NTRK2: variants seen among roughly 807,000 people sequenced by gnomAD.
The protein encoded by NTRK2 is BDNF/NT-3 growth factors receptor.
Under a neutral mutation model 94.5 loss-of-function variants are expected in NTRK2, and 13 were observed. That is an observed-to-expected ratio of 0.14 (90% CI 0.09 to 0.22). The LOEUF is 0.22. Ranked by LOEUF, NTRK2 falls within the 10% of genes least tolerant of loss-of-function variation. The probability of loss-of-function intolerance (pLI) is 1.00; values close to 1 mark genes in which losing one functional copy is unlikely to be tolerated. For synonymous variants in NTRK2, 372 were observed against 407.4 expected, an observed-to-expected ratio of 0.91 and a Z score of 1.05; for missense variants, 639 against 1,071.2, an observed-to-expected ratio of 0.60 and a Z score of 5.63.
intron 12 of NTRK2, among the ~76,000 whole-genome samples, chr9:84,849,645 A>G (rs1485035623): frequency 6.6e-6 from 1 of 152,184 alleles, no homozygotes; most frequent in Non-Finnish European, 1.5e-5. Context: ...GCTTTTAAAG[A>G]ACTTACAGTT....
rs1461023020 is a variant in NTRK2 at position 85,023,798 on chromosome 9, A to G, written c.*2361A>G. 2 of 230,366 alleles carry G rather than the reference A, an allele frequency of 8.7e-6. No homozygotes were observed. Among genetic ancestry groups the G allele is most frequent in the Admixed American group, 1.1e-4 (2 of 17,694 alleles). 14.3% of individuals were successfully genotyped at this position (230,366 alleles called of 1,614,324 possible). ...CTAGATTCCATCAGCAAAAACCAAC[A>G]CAGGTTTGTCACGCTGCATGTCTGG... is the stretch of plus-strand genomic sequence containing the variant. On this transcript the variant is annotated 3_prime_UTR_variant, in exon 19 of 19. Coordinates refer to ENST00000277120, the MANE Select transcript of NTRK2 (RefSeq NM_006180.6).
At position 84,995,363 on chromosome 9, in the gene NTRK2, GT is replaced by G. The variant is rs1240062742; in HGVS notation, c.2173-24836del. Among the ~76,000 whole-genome samples the G allele has an allele frequency of 3.9e-5, 6 of 152,146 alleles. No individual in the cohort carries two copies. The East Asian group carries it at 1.2e-3, about 29-fold the overall frequency. The stretch of plus-strand genomic sequence containing the variant: ...AAAACACTTTTTATCCCTTGGTGGG[GT>G]TTTTTTGGTTTGTTTTTTGTTTGTT... On this transcript the variant is annotated intron_variant, in intron 17 of 18. Coordinates refer to ENST00000277120, the MANE Select transcript of NTRK2 (RefSeq NM_006180.6).
intron 12 of NTRK2, among the ~76,000 whole-genome samples, chr9:84,762,010 C>T (rs192582477): frequency 6.6e-6 from 1 of 152,204 alleles, no homozygotes; most frequent in East Asian, 1.9e-4. Context: ...GAATAAGTCT[C>T]ACACGATCTG....
chr9:84,937,343 G>A (rs1022611001), intron 15 of NTRK2, among the ~76,000 whole-genome samples: 1 of 152,174 alleles, frequency 6.6e-6, no homozygotes, highest in African/African-American at 2.4e-5. Context: ...CTAAGAAATA[G>A]CAGCTATTGT....
chr9:84,680,939 T>C lies in NTRK2; in HGVS notation c.212+9979T>C, dbSNP rs2059352726. ...CTTTGGCCTTGGTGTCACCACACTT[T>C]TCTTGTTTTCCCTCTATCTCTCTGC... is the stretch of plus-strand genomic sequence containing the variant. On this transcript the variant is annotated intron_variant, in intron 2 of 18. Transcript: ENST00000277120. 2.0e-5 allele frequency among the ~76,000 whole-genome samples: 3 copies of C among 152,192 alleles called. 1 individual carries two copies. Among genetic ancestry groups the C allele is most frequent in the Admixed American group, 6.5e-5 (1 of 15,276 alleles).
At chr9:84,952,343 A>G (rs1162137254) in intron 16 of NTRK2, among the ~76,000 whole-genome samples, 1 of 152,248 alleles carries the variant, frequency 6.6e-6, no homozygotes, top group Non-Finnish European at 1.5e-5. Flanking sequence ...CAGTTGGTGC[A>G]GTGCCGGCTG....
At chr9:84,796,772 G>A (rs2069376891) in intron 12 of NTRK2, among the ~76,000 whole-genome samples, 1 of 152,134 alleles carries the variant, frequency 6.6e-6, no homozygotes, top group Non-Finnish European at 1.5e-5. Context: ...AAGATGGGTG[G>A]TAGGAATCAT....
chr9:84,757,782 T>C (rs1297478239), intron 12 of NTRK2, among the ~76,000 whole-genome samples: 1 of 152,206 alleles, frequency 6.6e-6, no homozygotes, highest in African/African-American at 2.4e-5. Context: ...TTAATGGACA[T>C]TTATGTTTTT....
intron 17 of NTRK2, among the ~76,000 whole-genome samples, chr9:85,018,769 C>T (rs755132524): frequency 8.5e-5 from 13 of 152,174 alleles, no homozygotes; most frequent in Non-Finnish European, 1.6e-4. Context: ...TTGCCACCAC[C>T]TTCAGACATC....
intron 2 of NTRK2, among the ~76,000 whole-genome samples, chr9:84,698,828 T>G (rs2060546989): frequency 6.6e-6 from 1 of 152,230 alleles, no homozygotes; most frequent in Admixed American, 6.5e-5. Context: ...ACCGAAGTTT[T>G]CCCTCTGTGA....
At chr9:84,968,561 A>T (rs906729182) in intron 17 of NTRK2, among the ~76,000 whole-genome samples, 10 of 152,196 alleles carry the variant, frequency 6.6e-5, no homozygotes, top group Non-Finnish European at 1.2e-4. Context: ...GCTTTGGGTC[A>T]TTCCTGAACC....
chr9:85,014,855 C>T (rs1347342078), intron 17 of NTRK2, among the ~76,000 whole-genome samples: 8 of 152,134 alleles, frequency 5.3e-5, no homozygotes, highest in Admixed American at 5.2e-4. Flanking sequence ...ATATCACTAT[C>T]AAAATTACGA....
chr9:84,834,098 A>G (rs1311301529), intron 12 of NTRK2, among the ~76,000 whole-genome samples: 4 of 152,172 alleles, frequency 2.6e-5, no homozygotes, highest in Non-Finnish European at 5.9e-5. Context: ...AGAGGTGGGC[A>G]TTTTCATACA....
intron 12 of NTRK2, chr9:84,810,897 T>C: frequency 8.2e-7 from 1 of 1,226,732 alleles, no homozygotes; most frequent in South Asian, 3.1e-5. Context: ...TGGATTGTAC[T>C]TCTCTTCTGA....
At chr9:84,844,649 TCACACACA>T (rs10562034) in intron 12 of NTRK2, among the ~76,000 whole-genome samples, 20,448 of 140,840 alleles carry the variant, frequency 0.15, 1,475 homozygotes, top group Admixed American at 0.17. Flanking sequence ...AATACCTCAC[TCACACACA>T]CACACACACA....
chr9:84,832,303 A>C (rs568523918), intron 12 of NTRK2, among the ~76,000 whole-genome samples: 1 of 152,374 alleles, frequency 6.6e-6, no homozygotes, highest in African/African-American at 2.4e-5. Flanking sequence ...GATATGAGAC[A>C]TACCTTCAAA....
chr9:84,783,974 A>T (rs1348824131), intron 12 of NTRK2, among the ~76,000 whole-genome samples: 2 of 152,116 alleles, frequency 1.3e-5, no homozygotes, highest in African/African-American at 4.8e-5. Flanking sequence ...GTGTGATGGG[A>T]GGTGGGACTG....
intron 14 of NTRK2, among the ~76,000 whole-genome samples, chr9:84,870,126 T>TAC (rs1554757395): frequency 0.018 from 1,690 of 95,408 alleles, 36 homozygotes; most frequent in African/African-American, 0.037. Flanking sequence ...TATATATATA[T>TAC]ACACACACAC....
Position 84,882,719 on chromosome 9 carries a change from T to TGTGTGCGCGCGC in NTRK2, c.1633+15289_1633+15290insTGTGCGCGCGCG, listed in dbSNP as rs761042296. ...TCTAGTGTGTGTGTGTGTGTGTGTG[T>TGTGTGCGCGCGC]GCGCGCGCGCGCGCATGTGTGCATT... On this transcript the variant is annotated intron_variant, in intron 14 of 18. Transcript: ENST00000277120. 8.9e-5 allele frequency among the ~76,000 whole-genome samples: 13 copies of TGTGTGCGCGCGC among 145,832 alleles called. No individual in the cohort carries two copies. In the South Asian group the frequency reaches 1.3e-3, roughly 14 times the overall value.
Sources: gnomAD v4.1 joint callset for allele counts (sites outside exome capture counted in the v4.1 genomes callset) on GRCh38, gnomAD v4.1.1 for gene constraint, MANE v1.5 for transcripts, NCBI Gene and HGNC (gene_info 2026-07-23, HGNC 2026-07-21) for gene names.